RGS6: variants seen among roughly 807,000 people sequenced by gnomAD.
RGS6 encodes the protein regulator of G-protein signaling 6.
RGS6 carries 30 observed loss-of-function variants against 78.5 expected under a neutral mutation model. That is an observed-to-expected ratio of 0.38 (90% CI 0.29 to 0.52). RGS6 has a LOEUF of 0.52. RGS6 is among the 20% of genes least tolerant of loss of function. RGS6 has a pLI of 0.85. For missense variants in RGS6, 495 were observed against 609.7 expected, an observed-to-expected ratio of 0.81 and a Z score of 1.98; for synonymous variants, 206 against 206.0, an observed-to-expected ratio of 1.00 and a Z score of 0.00.
At chr14:72,344,644 A>G (rs1010809596) in intron 2 of RGS6, among the ~76,000 whole-genome samples, 1 of 152,216 alleles carries the variant, frequency 6.6e-6, no homozygotes, top group Admixed American at 6.5e-5. Flanking sequence ...CATTCAAGAA[A>G]TATTTACTGA....
intron 16 of RGS6, among the ~76,000 whole-genome samples, chr14:72,539,352 A>G (rs922409488): frequency 1.3e-5 from 2 of 152,090 alleles, no homozygotes; most frequent in African/African-American, 4.8e-5. Context: ...CACAATCCCC[A>G]TGTTATTGTC....
intron 3 of RGS6, among the ~76,000 whole-genome samples, chr14:72,376,729 C>T (rs2084831301): frequency 6.6e-6 from 1 of 152,080 alleles, no homozygotes; most frequent in Admixed American, 6.5e-5. Flanking sequence ...TTATGCCCAG[C>T]AAAGCCATTC....
intron 2 of RGS6, among the ~76,000 whole-genome samples, chr14:72,257,383 T>C (rs558087116): frequency 1.3e-5 from 2 of 152,344 alleles, no homozygotes; most frequent in Middle Eastern, 3.4e-3. Flanking sequence ...TTTTTTATGT[T>C]AATTTTGTAT....
At chr14:72,406,359 G>A (rs539605143) in intron 3 of RGS6, among the ~76,000 whole-genome samples, 1 of 152,142 alleles carries the variant, frequency 6.6e-6, no homozygotes, top group South Asian at 2.1e-4. Context: ...ACTGCAGCCT[G>A]GTGACAGAGT....
intron 2 of RGS6, among the ~76,000 whole-genome samples, chr14:72,218,205 G>A (rs1452160029): frequency 6.6e-6 from 1 of 151,978 alleles, no homozygotes. Context: ...AGCAGAAATG[G>A]GATTTCCGAG....
chr14:72,552,343 T>C (rs1402553328), intron 17 of RGS6, among the ~76,000 whole-genome samples: 2 of 152,150 alleles, frequency 1.3e-5, no homozygotes, highest in African/African-American at 4.8e-5. Flanking sequence ...CCTAAGCACT[T>C]CCCGGGAAGC....
At chr14:72,418,293 A>G (rs993391995) in intron 3 of RGS6, among the ~76,000 whole-genome samples, 4 of 151,866 alleles carry the variant, frequency 2.6e-5, no homozygotes, top group African/African-American at 9.7e-5. Flanking sequence ...CAGCTTCCCA[A>G]GTAGCTGGGA....
chr14:72,161,016 A>C (rs113322119), intron 2 of RGS6, among the ~76,000 whole-genome samples: 1 of 152,252 alleles, frequency 6.6e-6, no homozygotes, highest in Non-Finnish European at 1.5e-5. Flanking sequence ...GATAGACTGG[A>C]TAAAGAAAAT....
chr14:72,055,312 A>G (rs1030951941), intron 2 of RGS6, among the ~76,000 whole-genome samples: 2 of 150,524 alleles, frequency 1.3e-5, no homozygotes, highest in East Asian at 1.9e-4. Context: ...TCAGACATCA[A>G]TTTTTTTTTT....
At chr14:72,511,341 C>T (rs1201016854) in intron 14 of RGS6, among the ~76,000 whole-genome samples, 1 of 152,224 alleles carries the variant, frequency 6.6e-6, no homozygotes, top group African/African-American at 2.4e-5. Flanking sequence ...TAATGTGCAA[C>T]ATCCATGCAC....
At chr14:72,344,416 C>G (rs2077596022) in intron 2 of RGS6, among the ~76,000 whole-genome samples, 1 of 152,106 alleles carries the variant, frequency 6.6e-6, no homozygotes, top group Non-Finnish European at 1.5e-5. Flanking sequence ...AACATTGTTG[C>G]TAAGGTTCAT....
At chr14:72,558,477 T>C (rs2097619205) in intron 17 of RGS6, among the ~76,000 whole-genome samples, 1 of 152,316 alleles carries the variant, frequency 6.6e-6, no homozygotes, top group East Asian at 1.9e-4. Context: ...AGATAGTGCA[T>C]GCTTTGTTGA....
intron 17 of RGS6, among the ~76,000 whole-genome samples, chr14:72,543,325 C>T (rs1282215550): frequency 1.3e-5 from 2 of 152,176 alleles, no homozygotes; most frequent in Non-Finnish European, 2.9e-5. Flanking sequence ...TAACCCACGC[C>T]ACTGTACATG....
At chr14:72,243,700 G>A (rs145774828) in intron 2 of RGS6, among the ~76,000 whole-genome samples, 2,314 of 151,468 alleles carry the variant, frequency 0.015, 19 homozygotes, top group Middle Eastern at 0.028. Flanking sequence ...GTTTCCTTTC[G>A]TTTAATGGGG....
At chr14:71,952,879 A>G (rs1052423058) in intron 1 of RGS6, among the ~76,000 whole-genome samples, 1 of 152,194 alleles carries the variant, frequency 6.6e-6, no homozygotes, top group Non-Finnish European at 1.5e-5. Context: ...TTAAAAAAGA[A>G]AAAGCCAATA....
chr14:72,587,974 T>C, the RGS6 span, among the ~76,000 whole-genome samples: 1 of 152,120 alleles, frequency 6.6e-6, no homozygotes, highest in Non-Finnish European at 1.5e-5. Flanking sequence ...CCAGATGTCT[T>C]GGGGAGGCTC....
At chr14:71,928,801 A>T (rs1197062628), upstream of RGS6, among the ~76,000 whole-genome samples, 1 of 152,228 alleles carries the variant, frequency 6.6e-6, no homozygotes, top group African/African-American at 2.4e-5. Context: ...GAATGAATGA[A>T]CAAAGTATTG....
intron 2 of RGS6, among the ~76,000 whole-genome samples, chr14:72,132,355 A>G (rs557774720): frequency 2.0e-4 from 31 of 151,418 alleles, no homozygotes; most frequent in African/African-American, 7.3e-4. Flanking sequence ...CGGCTCACTG[A>G]AACCTCCACC....
chr14:72,355,725 G>A (rs2080124252), intron 3 of RGS6, among the ~76,000 whole-genome samples: 1 of 152,128 alleles, frequency 6.6e-6, no homozygotes, highest in Non-Finnish European at 1.5e-5. Flanking sequence ...TTGGAGTGTT[G>A]CAGCTTTGGA....
Sources: allele counts gnomAD v4.1 joint callset (sites outside exome capture counted in the v4.1 genomes callset), GRCh38; gene constraint gnomAD v4.1.1; transcripts MANE v1.5; gene names NCBI Gene and HGNC (gene_info 2026-07-23, HGNC 2026-07-21).